The following PLXNA4 variants were observed in gnomAD, a reference collection of about 807,000 sequenced individuals.
PLXNA4 encodes plexin A4.
Under a neutral mutation model 191.8 loss-of-function variants are expected in PLXNA4, and 44 were observed. That is an observed-to-expected ratio of 0.23 (90% confidence interval 0.18 to 0.29). The LOEUF (loss-of-function observed/expected upper bound fraction) is 0.29, where lower values mean the gene tolerates loss of function less well. Ranked by LOEUF, PLXNA4 falls within the 10% of genes least tolerant of loss-of-function variation. The pLI, the probability that PLXNA4 is intolerant of heterozygous loss-of-function variation, is 1.00. For missense variants in PLXNA4, 1,800 were observed against 2,488.8 expected (o/e 0.72, Z 5.89); for synonymous variants, 1,082 against 1,009.5 (o/e 1.07, Z -1.36).
upstream of PLXNA4, among the ~76,000 whole-genome samples, chr7:132,581,641 G>A (rs758193626): frequency 1.3e-5 from 2 of 152,154 alleles, no homozygotes; most frequent in Non-Finnish European, 2.9e-5. Context: ...CTGCACTGCT[G>A]GACATGGCAA....
At chr7:132,457,060 C>G (rs928625506) in intron 3 of PLXNA4, among the ~76,000 whole-genome samples, 1 of 152,138 alleles carries the variant, frequency 6.6e-6, no homozygotes, top group Admixed American at 6.5e-5. Context: ...TTTTAACTTT[C>G]TATTTTAAAA....
At chr7:132,283,741 C>A (rs73157259) in intron 4 of PLXNA4, among the ~76,000 whole-genome samples, 5,741 of 152,356 alleles carry the variant, frequency 0.038, 166 homozygotes, top group Middle Eastern at 0.068. Flanking sequence ...ACTCTAGGTG[C>A]TCCTGGTAAC....
At chr7:132,142,640 G>GTGTT (rs961549842) in intron 29 of PLXNA4, among the ~76,000 whole-genome samples, 7 of 152,168 alleles carry the variant, frequency 4.6e-5, no homozygotes, top group African/African-American at 1.7e-4. Flanking sequence ...ATGTTTGGCG[G>GTGTT]TGTTTGCTTC....
At chr7:132,454,227 G>A (rs1467907438) in intron 3 of PLXNA4, among the ~76,000 whole-genome samples, 5 of 152,140 alleles carry the variant, frequency 3.3e-5, no homozygotes, top group East Asian at 1.9e-4. Flanking sequence ...CAGCCCCATC[G>A]TATAGACAAA....
At chr7:132,535,315 C>A (rs926817939) in intron 1 of PLXNA4, among the ~76,000 whole-genome samples, 1 of 152,220 alleles carries the variant, frequency 6.6e-6, no homozygotes, top group Non-Finnish European at 1.5e-5. Context: ...AGAGACCAAA[C>A]GTCATTCCCC....
intron 15 of PLXNA4, among the ~76,000 whole-genome samples, chr7:132,186,413 G>T (rs546492130): frequency 6.6e-6 from 1 of 152,160 alleles, no homozygotes; most frequent in African/African-American, 2.4e-5. Context: ...TGCATTCTGG[G>T]GTAACCTAGG....
intron 3 of PLXNA4, among the ~76,000 whole-genome samples, chr7:132,485,760 C>G (rs981858287): frequency 6.6e-6 from 1 of 152,204 alleles, no homozygotes; most frequent in African/African-American, 2.4e-5. Context: ...AAGCTCACCA[C>G]AGGAAGAGGC....
chr7:132,507,779 C>T lies in PLXNA4; in HGVS notation c.915G>A (p.Val305=), dbSNP rs1798533881. 1 of 1,614,016 alleles carries T rather than the reference C, an allele frequency of 6.2e-7. No homozygotes were observed. The highest frequency in any genetic ancestry group is 1.3e-5 in the African/African-American group (1 of 74,926). ...AGGCAGCCTGCAGCAGGCGGTACTC[C>T]ACCCCACTGCGCTCACAGCCAATGG... ...EVPIGCERSG[V]EYRLLQAAYL... Residue 305 remains valine, a synonymous_variant, in exon 2 of 32, where the codon GTG becomes GTA. Coordinates refer to ENST00000321063, the MANE Select transcript of PLXNA4 (RefSeq NM_020911.2).
intron 3 of PLXNA4, among the ~76,000 whole-genome samples, chr7:132,305,459 C>T (rs964249130): frequency 3.9e-5 from 6 of 151,992 alleles, no homozygotes; most frequent in South Asian, 4.2e-4. Context: ...GTCCCTGGCC[C>T]GGGATCTTCC....
intron 3 of PLXNA4, among the ~76,000 whole-genome samples, chr7:132,427,971 T>A (rs940606506): frequency 6.6e-6 from 1 of 152,052 alleles, no homozygotes; most frequent in Admixed American, 6.6e-5. Flanking sequence ...ACATCCCCTC[T>A]CCTCTCCCCT....
At chr7:132,321,201 AAAGAG>A (rs1802150419) in intron 3 of PLXNA4, among the ~76,000 whole-genome samples, 1 of 152,062 alleles carries the variant, frequency 6.6e-6, no homozygotes, top group South Asian at 2.1e-4. Flanking sequence ...TTCTCCTGAC[AAAGAG>A]AAGAGCTTGG....
intron 2 of PLXNA4, among the ~76,000 whole-genome samples, chr7:132,612,453 G>T (rs1803068102): frequency 6.6e-6 from 1 of 151,998 alleles, no homozygotes; most frequent in Admixed American, 6.6e-5. Context: ...TTGAGGTCAG[G>T]AGTTCAAGAC....
intron 5 of PLXNA4, among the ~76,000 whole-genome samples, chr7:132,235,856 C>T (rs1051776548): frequency 1.3e-5 from 2 of 152,102 alleles, no homozygotes; most frequent in South Asian, 2.1e-4. Context: ...TGTGATAGGG[C>T]GAAGGCAGGG....
chr7:132,386,507 G>A (rs761195078), intron 3 of PLXNA4, among the ~76,000 whole-genome samples: 3 of 152,160 alleles, frequency 2.0e-5, no homozygotes, highest in Non-Finnish European at 4.4e-5. Flanking sequence ...TCTCAGAAGT[G>A]GGGCAGGTGG....
At chr7:132,298,975 C>T (rs1328983360) in intron 3 of PLXNA4, among the ~76,000 whole-genome samples, 1 of 152,206 alleles carries the variant, frequency 6.6e-6, no homozygotes, top group Non-Finnish European at 1.5e-5. Context: ...AGACTTCTGC[C>T]CACATGCCCC....
chr7:132,272,724 A>C (rs897478507), intron 4 of PLXNA4, among the ~76,000 whole-genome samples: 5 of 152,150 alleles, frequency 3.3e-5, no homozygotes, highest in African/African-American at 4.8e-5. Context: ...AGCTTCCCTT[A>C]AGACACAGTA....
chr7:132,158,461 T>C (rs1003279076), intron 25 of PLXNA4, among the ~76,000 whole-genome samples: 3 of 152,180 alleles, frequency 2.0e-5, no homozygotes, highest in Admixed American at 6.5e-5. Flanking sequence ...TCTCCCTCCA[T>C]GGCCAGCATC....
chr7:132,359,729 C>T (rs1803859784), intron 3 of PLXNA4, among the ~76,000 whole-genome samples: 1 of 152,104 alleles, frequency 6.6e-6, no homozygotes. Flanking sequence ...TAGAGATTTG[C>T]CTGCATGTGT....
intron 9 of PLXNA4, among the ~76,000 whole-genome samples, chr7:132,222,608 G>T (rs557770926): frequency 1.3e-5 from 2 of 152,318 alleles, no homozygotes; most frequent in Non-Finnish European, 2.9e-5. Flanking sequence ...AAGACTAGGG[G>T]TTGCAGGTGA....
Sources: gnomAD v4.1 joint callset for allele counts (sites outside exome capture counted in the v4.1 genomes callset) on GRCh38, gnomAD v4.1.1 for gene constraint, MANE v1.5 for transcripts, NCBI Gene and HGNC (gene_info 2026-07-23, HGNC 2026-07-21) for gene names.